ANKRD36: variants seen among roughly 807,000 people sequenced by gnomAD.
The protein encoded by ANKRD36 is ankyrin repeat domain 36, also known as ankyrin repeat domain-containing protein 36A.
ANKRD36 carries 179 observed loss-of-function variants against 278.1 expected under a neutral mutation model. The ratio of observed to expected loss-of-function variants is 0.64; its 90% CI spans 0.57 to 0.73. The LOEUF (loss-of-function observed/expected upper bound fraction) is 0.73, where lower values mean the gene tolerates loss of function less well. Ranked by LOEUF, ANKRD36 falls within the 30% of genes least tolerant of loss-of-function variation. The pLI is 0.00. For synonymous variants in ANKRD36, 320 were observed against 641.1 expected (o/e 0.50, Z 7.57); for missense variants, 1,159 against 1,956.7 (o/e 0.59, Z 7.69).
chr2:97,147,554 T>C (rs1396654095), intron 11 of ANKRD36, among the ~76,000 whole-genome samples: 1 of 151,904 alleles, frequency 6.6e-6, no homozygotes, highest in Non-Finnish European at 1.5e-5. Context: ...AGAAAATTAT[T>C]TGGATACAGT....
intron 6 of ANKRD36, 105 bp from the exon 7 acceptor site, chr2:97,142,535 C>A (rs1247199951): frequency 6.3e-6 from 10 of 1,575,360 alleles, no homozygotes; most frequent in Non-Finnish European, 8.6e-6. Flanking sequence ...AAAACCTAAA[C>A]TAATAGGGGC....
intron 48 of ANKRD36, 22 bp downstream of exon 48, chr2:97,202,415 A>G (rs1344964967): frequency 3.9e-6 from 6 of 1,544,812 alleles, no homozygotes; most frequent in Non-Finnish European, 5.2e-6. Context: ...AACAGATTTA[A>G]TGTCATGTTC....
chr2:97,211,843 G>C (rs2064736084), intron 58 of ANKRD36, 102 bp downstream of exon 58: 1 of 1,341,772 alleles, frequency 7.5e-7, no homozygotes. Context: ...TTCATGTTCT[G>C]CTTCAGTATT....
At chr2:97,224,663 G>A in intron 66 of ANKRD36, 143 bp from the exon 67 acceptor site, 3 of 1,038,774 alleles carry the variant, frequency 2.9e-6, no homozygotes, top group Non-Finnish European at 4.0e-6. Context: ...TGTTAGCCAG[G>A]ATGGTCTCGA....
At chr2:97,232,178 C>T (rs2072386729) in intron 67 of ANKRD36, among the ~76,000 whole-genome samples, 1 of 151,990 alleles carries the variant, frequency 6.6e-6, no homozygotes, top group Admixed American at 6.6e-5. Context: ...TCTCTTTTTA[C>T]ACTTGATTAT....
intron 75 of ANKRD36, among the ~76,000 whole-genome samples, chr2:97,258,921 A>G (rs1255439583): frequency 7.0e-6 from 1 of 143,840 alleles, no homozygotes; most frequent in African/African-American, 2.4e-5. Flanking sequence ...CATGTTTGGG[A>G]AATTTTTAGT....
intron 6 of ANKRD36, among the ~76,000 whole-genome samples, chr2:97,132,074 G>A (rs1013136431): frequency 2.0e-5 from 3 of 151,698 alleles, no homozygotes; most frequent in African/African-American, 4.8e-5. Context: ...TGATCTGCCC[G>A]CCCCAGCCTC....
rs1265886180 is a variant in ANKRD36, at chr2:97,141,935, AATG to A, written c.800-699_800-697del. On this transcript the variant is annotated intron_variant, in intron 6 of 75. Transcript: ENST00000420699. The stretch of plus-strand genomic sequence containing the variant: ...TTGTAGAAGTATGTCAATATTGACA[AATG>A]ATGATACTTTTTATTGAGGTTTATA... Among the ~76,000 whole-genome samples, 7 of 152,356 alleles carry A rather than the reference AATG, an allele frequency of 4.6e-5. No individual in the cohort carries two copies. In the East Asian group the frequency reaches 1.3e-3, roughly 29 times the overall value.
chr2:97,218,477 T>A (rs1199428034), intron 64 of ANKRD36, among the ~76,000 whole-genome samples: 57 of 149,996 alleles, frequency 3.8e-4, no homozygotes, highest in African/African-American at 1.3e-3. Flanking sequence ...ATGGGCATGA[T>A]AAATAATGAA....
intron 68 of ANKRD36, 74 bp downstream of exon 68, chr2:97,233,945 AC>A: frequency 1.5e-6 from 1 of 657,400 alleles, no homozygotes; most frequent in Non-Finnish European, 2.3e-6. Flanking sequence ...TTAACACTGT[AC>A]CATAGAGTAC....
intron 67 of ANKRD36, among the ~76,000 whole-genome samples, chr2:97,226,711 C>T (rs1415666639): frequency 6.6e-6 from 1 of 151,740 alleles, no homozygotes; most frequent in Non-Finnish European, 1.5e-5. Context: ...ATGCCTATGT[C>T]CTGAATGGTA....
At chr2:97,222,404 G>T (rs2068015014) in intron 66 of ANKRD36, among the ~76,000 whole-genome samples, 1 of 152,084 alleles carries the variant, frequency 6.6e-6, no homozygotes, top group Non-Finnish European at 1.5e-5. Flanking sequence ...GGACTCTATA[G>T]TGTTCTCCAT....
chr2:97,191,095 C>A lies in ANKRD36; in HGVS notation c.2275-14C>A. ...GATTTATTTATTTATTACTTTCTTTCAAATTCCATTCAGGCTACAACTGAT... is the reference window on the plus strand; with the variant it reads ...GATTTATTTATTTATTACTTTCTTTAAAATTCCATTCAGGCTACAACTGAT... On this transcript the variant is annotated splice_polypyrimidine_tract_variant and intron_variant, in intron 35 of 75. Coordinates refer to ENST00000420699, the MANE Select transcript of ANKRD36 (RefSeq NM_001354587.1). The A allele has an allele frequency of 6.3e-7, 1 of 1,593,790 alleles. No homozygotes were observed.
intron 66 of ANKRD36, among the ~76,000 whole-genome samples, chr2:97,224,370 A>G (rs541269058): frequency 2.6e-3 from 389 of 151,416 alleles, no homozygotes; most frequent in African/African-American, 9.1e-3. Context: ...AGAAGTAAAT[A>G]TTATACTAAA....
chr2:97,174,549 T>G (rs1326488198), intron 22 of ANKRD36, among the ~76,000 whole-genome samples: 1 of 151,888 alleles, frequency 6.6e-6, no homozygotes, highest in Non-Finnish European at 1.5e-5. Context: ...GCAACTTAGA[T>G]ATATAATCAT....
chr2:97,167,110 A>T (rs189803543), intron 20 of ANKRD36, among the ~76,000 whole-genome samples: 3 of 149,126 alleles, frequency 2.0e-5, no homozygotes, highest in East Asian at 2.0e-4. Context: ...AGGAGGGCTA[A>T]AGTTGAGAAT....
intron 62 of ANKRD36, chr2:97,215,893 A>G (rs563514586): frequency 1.3e-4 from 66 of 489,082 alleles, no homozygotes; most frequent in African/African-American, 1.2e-3. Context: ...TAATACCTCA[A>G]AAACAGCATA....
chr2:97,183,639 G>A lies in ANKRD36; in HGVS notation c.1924G>A (p.Gly642Arg), dbSNP rs1297436266. Residue 642 changes from glycine (G) to arginine (R), a missense_variant, in exon 28 of 76, where the codon GGG (glycine) becomes AGG (arginine). Coordinates refer to ENST00000420699, the MANE Select transcript of ANKRD36 (RefSeq NM_001354587.1). ...LNIATRIMGG[G>R]KSGTVSSQKQ... is the part of the protein sequence containing the mutation. The stretch of plus-strand genomic sequence containing the variant: ...TATTGCCACAAGAATAATGGGTGGT[G>A]GGAAATCTGGAACAGGTAATTTGGC... The A allele has an allele frequency of 1.9e-6, 3 of 1,574,034 alleles. No individual in the cohort carries two copies. The highest frequency in any genetic ancestry group is 4.6e-4 in the Middle Eastern group (2 of 4,378).
rs909846275 is a variant in ANKRD36, at chr2:97,198,388, C to T, written c.2654-75C>T. On this transcript the variant is annotated intron_variant, in intron 42 of 75. Transcript: ENST00000420699. The stretch of plus-strand genomic sequence containing the variant: ...ACAGGCAGGAGGACAGAGGTTGATG[C>T]TAACACTGTATGAATGTATGGATAA... 2.0e-5 allele frequency: 31 copies of T among 1,548,706 alleles called. No homozygotes were observed. The African/African-American group carries it at 2.6e-4, about 13-fold the overall frequency.
Sources: allele counts gnomAD v4.1 joint callset (sites outside exome capture counted in the v4.1 genomes callset), GRCh38; gene constraint gnomAD v4.1.1; transcripts MANE v1.5; gene names NCBI Gene and HGNC (gene_info 2026-07-23, HGNC 2026-07-21).